Variants in OLFM2 observed in about 807,000 individuals in gnomAD.
OLFM2 encodes the protein noelin-2.
A neutral mutation model predicts 43.9 loss-of-function variants in OLFM2; 20 were observed. The ratio of observed to expected loss-of-function variants is 0.46; its 90% CI spans 0.32 to 0.66. The LOEUF is 0.66. Ranked by LOEUF, OLFM2 falls within the 30% of genes least tolerant of loss-of-function variation. OLFM2 has a pLI of 0.04. For missense variants in OLFM2, 416 were observed against 643.6 expected, an observed-to-expected ratio of 0.65 and a Z score of 3.83; for synonymous variants, 268 against 278.6, an observed-to-expected ratio of 0.96 and a Z score of 0.38.
At chr19:9,913,461 C>T in intron 1 of OLFM2, 1 of 1,054,198 alleles carries the variant, frequency 9.5e-7, no homozygotes, top group South Asian at 4.2e-5. Flanking sequence ...CCGGGAGCGC[C>T]CCCCGCGCGG....
chr19:9,892,103 G>A (rs2046644794), intron 1 of OLFM2, among the ~76,000 whole-genome samples: 1 of 152,078 alleles, frequency 6.6e-6, no homozygotes, highest in African/African-American at 2.4e-5. Context: ...GTAAGACTGT[G>A]ATGTGGTCTG....
chr19:9,887,357 T>G (rs2046596752), intron 1 of OLFM2, among the ~76,000 whole-genome samples: 2 of 151,832 alleles, frequency 1.3e-5, no homozygotes, highest in Admixed American at 1.3e-4. Context: ...TTTTGTATTT[T>G]TAGTAGAGAT....
chr19:9,854,023 A>T lies in OLFM2; in HGVS notation c.*163T>A, dbSNP rs2046292024. The T allele has an allele frequency of 7.9e-6, 5 of 629,806 alleles. No individual in the cohort carries two copies. In the South Asian group the frequency reaches 9.8e-5, roughly 12 times the overall value. The allele number at this position is 629,806 out of a possible 1,614,324, so 39.0% of individuals were successfully genotyped here. A position where few individuals can be genotyped will look rare whatever the true frequency, so the allele number is the denominator to read the frequency against. On this transcript the variant is annotated 3_prime_UTR_variant, in exon 6 of 6. Transcript: ENST00000264833. The surrounding 1 kb of genome is among the most constrained non-coding windows in gnomAD (Gnocchi z 9.5). ...AAAGGAGAAGAGGGGAAATTGAAAAAATAGACAGAAATACATAGGCAGAGA... is the reference window on the plus strand; with the variant it reads ...AAAGGAGAAGAGGGGAAATTGAAAATATAGACAGAAATACATAGGCAGAGA...
At chr19:9,919,968 TA>T (rs1269458947) in intron 1 of OLFM2, among the ~76,000 whole-genome samples, 1 of 145,414 alleles carries the variant, frequency 6.9e-6, no homozygotes, top group African/African-American at 2.7e-5. Context: ...CTAATTTTTG[TA>T]TTTTTTTTTT....
intron 1 of OLFM2, among the ~76,000 whole-genome samples, chr19:9,935,058 C>CA (rs1489065805): frequency 5.9e-5 from 9 of 152,242 alleles, no homozygotes; most frequent in African/African-American, 2.2e-4. Context: ...GGTTCAGTCC[C>CA]ACCTCTGTCA....
intron 1 of OLFM2, among the ~76,000 whole-genome samples, chr19:9,871,567 T>C (rs1287027662): frequency 7.1e-5 from 8 of 113,172 alleles, no homozygotes; most frequent in African/African-American, 3.7e-4. Context: ...AGCATGACTC[T>C]GCTCTCAAAA....
intron 1 of OLFM2, among the ~76,000 whole-genome samples, chr19:9,902,140 T>C (rs2046745736): frequency 1.3e-5 from 2 of 151,576 alleles, no homozygotes; most frequent in African/African-American, 4.9e-5. Flanking sequence ...TCCACTCTCC[T>C]GCCTCAGCCT....
intron 1 of OLFM2, among the ~76,000 whole-genome samples, chr19:9,864,490 AG>A (rs769017196): frequency 6.6e-6 from 1 of 152,000 alleles, no homozygotes. Context: ...TAGTAGAGAT[AG>A]GGTTTCACTA....
Position 9,857,134 on chromosome 19 carries a change from G to A in OLFM2, c.580+129C>T. The stretch of plus-strand genomic sequence containing the variant: ...TGGACTCAAGTGTAGCCTTAGGTAG[G>A]AAGGTCAAGGGTTGAGGTTTAAAAG... On this transcript the variant is annotated intron_variant, in intron 4 of 5. Coordinates refer to ENST00000264833, the MANE Select transcript of OLFM2 (RefSeq NM_058164.4). The surrounding 1 kb of genome is among the most constrained non-coding windows in gnomAD (Gnocchi z 5.7). The A allele has an allele frequency of 1.0e-6, 1 of 963,288 alleles. No individual in the cohort carries two copies. Among genetic ancestry groups the A allele is most frequent in the Non-Finnish European group, 1.6e-6 (1 of 617,662 alleles). 59.7% of individuals were successfully genotyped at this position (963,288 alleles called of 1,614,324 possible).
intron 1 of OLFM2, among the ~76,000 whole-genome samples, chr19:9,915,239 C>CTCT (rs1213691481): frequency 7.3e-4 from 102 of 139,642 alleles, no homozygotes; most frequent in Middle Eastern, 7.4e-3. Context: ...TTTTCTCTCT[C>CTCT]TTTTTTTTTT....
At chr19:9,896,834 C>T (rs925734782) in intron 1 of OLFM2, among the ~76,000 whole-genome samples, 3 of 152,162 alleles carry the variant, frequency 2.0e-5, no homozygotes, top group South Asian at 2.1e-4. Context: ...TTGCAGAAAG[C>T]GCCACACATC....
Position 9,857,214 on chromosome 19 carries a change from G to C in OLFM2, c.580+49C>G. On this transcript the variant is annotated intron_variant, in intron 4 of 5. Transcript: ENST00000264833. This position sits in a 1 kb window ranked among gnomAD's most constrained non-coding sequence, Gnocchi z 5.7. The stretch of plus-strand genomic sequence containing the variant: ...GGCACAAACAGGTGATACTGGAGTT[G>C]GGTGTGGCAGTCAGAGATCAGGGGT... The C allele has an allele frequency of 6.6e-7, 1 of 1,524,632 alleles. No individual in the cohort carries two copies. Among genetic ancestry groups the C allele is most frequent in the South Asian group, 1.1e-5 (1 of 89,362 alleles). 94.4% of individuals were successfully genotyped at this position (1,524,632 alleles called of 1,614,324 possible).
At chr19:9,886,597 G>A (rs929795837) in intron 1 of OLFM2, among the ~76,000 whole-genome samples, 7 of 152,056 alleles carry the variant, frequency 4.6e-5, no homozygotes, top group South Asian at 2.1e-4. Flanking sequence ...GCACAACCCC[G>A]AAAGCAGCCC....
rs779213228 is a variant in OLFM2, at chr19:9,860,793, G to A, written c.65C>T (p.Thr22Ile). The change falls in exon 2 of 6, where the codon ACT (threonine) becomes ATT (isoleucine). Residue 22 changes from threonine to isoleucine, a missense_variant and splice_region_variant. By Grantham distance (89) the Thr-to-Ile change is moderately conservative (BLOSUM62 -1). Coordinates refer to ENST00000264833, the MANE Select transcript of OLFM2 (RefSeq NM_058164.4). ...GCCCTCTTCTGGGTTCTGGAAGAGA[G>A]TCTGCAAAGAGGTGGGGGTCAGAGA... is the stretch of plus-strand genomic sequence containing the variant. Reference protein sequence around the residue: ...LLLCSGLAGQTLFQNPEEGWQ... With the variant: ...LLLCSGLAGQILFQNPEEGWQ... 6 of 1,604,560 alleles carry A rather than the reference G, an allele frequency of 3.7e-6. No homozygotes were observed. Among genetic ancestry groups the A allele is most frequent in the Non-Finnish European group, 3.4e-6 (4 of 1,177,482 alleles).
At chr19:9,898,103 A>G (rs56272874) in intron 1 of OLFM2, among the ~76,000 whole-genome samples, 139,725 of 144,160 alleles carry the variant, frequency 0.97, 68,003 homozygotes, top group Middle Eastern at 1. Flanking sequence ...CAGACACGGG[A>G]TTTCACCATG....
chr19:9,919,789 ATT>A (rs750249042), intron 1 of OLFM2, among the ~76,000 whole-genome samples: 4,670 of 90,246 alleles, frequency 0.052, 249 homozygotes, highest in African/African-American at 0.21. Flanking sequence ...GACCACTGCC[ATT>A]TTTTTTTTTT....
intron 1 of OLFM2, among the ~76,000 whole-genome samples, chr19:9,909,515 G>T (rs553874496): frequency 1.3e-5 from 2 of 152,266 alleles, no homozygotes; most frequent in Non-Finnish European, 2.9e-5. Flanking sequence ...ATGCTAAGCT[G>T]CTTCTGCAAT....
intron 1 of OLFM2, among the ~76,000 whole-genome samples, chr19:9,889,724 C>A (rs1020468771): frequency 6.6e-6 from 1 of 152,030 alleles, no homozygotes; most frequent in African/African-American, 2.4e-5. Flanking sequence ...GGTATGAATG[C>A]GTGTGTGTGC....
chr19:9,923,761 C>T (rs563800801), intron 1 of OLFM2, among the ~76,000 whole-genome samples: 3 of 152,088 alleles, frequency 2.0e-5, no homozygotes, highest in Admixed American at 1.3e-4. Context: ...TCCCAAGTAG[C>T]TGGGACTTCA....
Sources: gnomAD v4.1 joint callset for allele counts (sites outside exome capture counted in the v4.1 genomes callset) on GRCh38, gnomAD v4.1.1 for gene constraint, Gnocchi (gnomAD v3.1) non-coding constraint, MANE v1.5 for transcripts, NCBI Gene and HGNC (gene_info 2026-07-23, HGNC 2026-07-21) for gene names.